CAST: variants seen among roughly 807,000 people sequenced by gnomAD.
The protein encoded by CAST is calpastatin, also known as MIR583 host.
In CAST, 76 loss-of-function variants were observed where a neutral mutation model predicts 119.6. That is an observed-to-expected ratio of 0.64 (90% CI 0.53 to 0.77). CAST has a LOEUF of 0.77. Among genes scored for constraint, CAST ranks in the 30% least tolerant of loss-of-function variants. The pLI, the probability that CAST is intolerant of heterozygous loss-of-function variation, is 0.00. For synonymous variants in CAST, 319 were observed against 331.6 expected (o/e 0.96, Z 0.41); for missense variants, 953 against 946.5 (o/e 1.01, Z -0.09).
the CAST span, among the ~76,000 whole-genome samples, chr5:96,296,735 CTGA>C: frequency 6.6e-6 from 1 of 152,180 alleles, no homozygotes; most frequent in South Asian, 2.1e-4. Context: ...TAACTCTCTG[CTGA>C]TGTCTGCTCA....
intron 1 of CAST, among the ~76,000 whole-genome samples, chr5:96,626,162 G>A (rs1747718536): frequency 6.6e-6 from 1 of 152,158 alleles, no homozygotes; most frequent in Admixed American, 6.5e-5. Context: ...GAACCTACAT[G>A]AGAACCTGAG....
intron 10 of CAST, among the ~76,000 whole-genome samples, chr5:96,736,578 T>C (rs912474723): frequency 2.0e-5 from 3 of 152,106 alleles, no homozygotes; most frequent in African/African-American, 7.2e-5. Flanking sequence ...TTTCTGAAAT[T>C]CCTAAAAGAA....
the CAST span, among the ~76,000 whole-genome samples, chr5:96,061,894 T>C: frequency 6.6e-6 from 1 of 152,128 alleles, no homozygotes; most frequent in Non-Finnish European, 1.5e-5. Context: ...AAAGGCACCA[T>C]GAATGTCTAA....
intron 1 of CAST, among the ~76,000 whole-genome samples, chr5:96,568,902 A>T (rs1325677859): frequency 6.6e-6 from 1 of 152,146 alleles, no homozygotes; most frequent in Admixed American, 6.5e-5. Flanking sequence ...AATAGCATGG[A>T]TGAGAAGTCA....
At chr5:96,483,190 A>C in the CAST span, among the ~76,000 whole-genome samples, 2 of 152,220 alleles carry the variant, frequency 1.3e-5, no homozygotes, top group Non-Finnish European at 2.9e-5. Context: ...GTTAGAGTCT[A>C]TGAACCTCAG....
intron 1 of CAST, among the ~76,000 whole-genome samples, chr5:96,575,678 T>G (rs1746658182): frequency 6.6e-6 from 1 of 152,044 alleles, no homozygotes; most frequent in Non-Finnish European, 1.5e-5. Context: ...AGTCTCACTC[T>G]GTCACCCAGG....
chr5:96,707,968 G>A (rs1169905864), intron 3 of CAST, among the ~76,000 whole-genome samples: 3 of 152,092 alleles, frequency 2.0e-5, no homozygotes, highest in Admixed American at 6.5e-5. Context: ...GGCCAGGGAA[G>A]GTAGCAGGGA....
intron 2 of CAST, among the ~76,000 whole-genome samples, chr5:96,690,663 G>A (rs1002118564): frequency 1.7e-4 from 26 of 152,122 alleles, no homozygotes; most frequent in African/African-American, 6.3e-4. Flanking sequence ...ACTTCTTTTG[G>A]TAATAAAAGC....
chr5:96,702,460 G>C (rs937210077), intron 3 of CAST, among the ~76,000 whole-genome samples: 2 of 152,174 alleles, frequency 1.3e-5, no homozygotes, highest in Admixed American at 6.5e-5. Context: ...GCAAATCCCT[G>C]GTTGTAGTCA....
At chr5:96,561,063 G>A (rs1746347254) in intron 1 of CAST, among the ~76,000 whole-genome samples, 1 of 152,140 alleles carries the variant, frequency 6.6e-6, no homozygotes, top group African/African-American at 2.4e-5. Flanking sequence ...GGACATGGAT[G>A]AAGCTGGAAA....
intron 1 of CAST, among the ~76,000 whole-genome samples, chr5:96,534,868 G>T (rs1745773341): frequency 1.2e-5 from 1 of 85,550 alleles, no homozygotes; most frequent in Admixed American, 1.5e-4. Flanking sequence ...AGGGAAGGAA[G>T]GAGAAAGAAA....
chr5:96,059,054 G>A, the CAST span, among the ~76,000 whole-genome samples: 4 of 152,114 alleles, frequency 2.6e-5, no homozygotes, highest in Admixed American at 2.0e-4. Flanking sequence ...AACCTCCTGA[G>A]CTTACAGAAG....
chr5:96,238,323 T>A, the CAST span, among the ~76,000 whole-genome samples: 1 of 40,754 alleles, frequency 2.5e-5, no homozygotes, highest in African/African-American at 6.5e-5. Flanking sequence ...CTTCTTCTTC[T>A]TCTTCTTCTT....
chr5:96,173,780 G>T, the CAST span, among the ~76,000 whole-genome samples: 2 of 149,278 alleles, frequency 1.3e-5, no homozygotes, highest in South Asian at 4.2e-4. Flanking sequence ...AGTCTCTGTC[G>T]CCCAGGCTGG....
chr5:96,761,218 A>G (rs1767838907), intron 24 of CAST: 3 of 152,246 alleles, frequency 2.0e-5, no homozygotes. Flanking sequence ...AGGCTTAAAT[A>G]ATAAGTCAAT....
At chr5:96,523,521 G>T (rs1341600125), upstream of CAST, among the ~76,000 whole-genome samples, 1 of 152,166 alleles carries the variant, frequency 6.6e-6, no homozygotes, top group Non-Finnish European at 1.5e-5. Flanking sequence ...TCTTTGCTTA[G>T]GATGCCTTCC....
the CAST span, among the ~76,000 whole-genome samples, chr5:96,510,476 G>C: frequency 4.6e-5 from 7 of 152,168 alleles, no homozygotes; most frequent in African/African-American, 1.7e-4. Flanking sequence ...AGCAAAATAG[G>C]ATAATGGTTT....
At chr5:96,588,432 C>T (rs900117852) in intron 1 of CAST, among the ~76,000 whole-genome samples, 1 of 152,024 alleles carries the variant, frequency 6.6e-6, no homozygotes, top group Admixed American at 6.5e-5. Flanking sequence ...GATCTCTTGA[C>T]CTCATGATCT....
the CAST span, among the ~76,000 whole-genome samples, chr5:96,109,070 G>A: frequency 2.0e-5 from 3 of 152,236 alleles, no homozygotes; most frequent in African/African-American, 4.8e-5. Flanking sequence ...GCAATGCCTC[G>A]CCCTGCTTCG....
Sources: gnomAD v4.1 joint callset for allele counts (sites outside exome capture counted in the v4.1 genomes callset) on GRCh38, gnomAD v4.1.1 for gene constraint, MANE v1.5 for transcripts, NCBI Gene and HGNC (gene_info 2026-07-23, HGNC 2026-07-21) for gene names.